The following RPL23A variants were observed in gnomAD, a reference collection of about 807,000 sequenced individuals.
RPL23A encodes large ribosomal subunit protein uL23.
Under a neutral mutation model 17.6 loss-of-function variants are expected in RPL23A, and 2 were observed. The ratio of observed to expected loss-of-function variants is 0.11; its 90% CI spans 0.05 to 0.36. The LOEUF is 0.36. Among genes scored for constraint, RPL23A ranks in the 10% least tolerant of loss-of-function variants. The pLI, the probability that RPL23A is intolerant of heterozygous loss-of-function variation, is 1.00. For synonymous variants in RPL23A, 65 were observed against 74.3 expected (o/e 0.87, Z 0.65); for missense variants, 132 against 194.4 (o/e 0.68, Z 1.91).
intron 1 of RPL23A, 46 bp downstream of exon 1, chr17:28,720,076 G>A (rs1044794588): frequency 6.5e-7 from 1 of 1,549,180 alleles, no homozygotes; most frequent in African/African-American, 1.4e-5. Flanking sequence ...GGGGATTGCC[G>A]CGCCGCAGAG....
chr17:28,723,405 C>G (rs952360531), intron 3 of RPL23A, 166 bp from the exon 4 acceptor site: 1 of 771,840 alleles, frequency 1.3e-6, no homozygotes, highest in African/African-American at 1.7e-5. Flanking sequence ...AGAGAATTGG[C>G]TTTGTGGCTT....
At chr17:28,722,650 C>T (rs571452994) in intron 2 of RPL23A, 73 bp from the exon 3 acceptor site, 3 of 1,217,138 alleles carry the variant, frequency 2.5e-6, no homozygotes, top group East Asian at 4.6e-5. Context: ...TTGTCTGATG[C>T]ACCTAGGCTC....
intron 1 of RPL23A, 176 bp downstream of exon 1, chr17:28,720,206 G>C (rs1265864219): frequency 6.5e-7 from 1 of 1,536,044 alleles, no homozygotes; most frequent in Non-Finnish European, 8.8e-7. Context: ...CTCGTGGGCT[G>C]AGTTCCGGTA....
chr17:28,720,343 C>A lies in RPL23A; in HGVS notation c.25+313C>A, dbSNP rs767896889. On this transcript the variant is annotated intron_variant, in intron 1 of 4. Transcript: ENST00000422514. ...TCCCCGGGCCTGTAAGGAATTAGTG[C>A]CCTCAGCTTTAACCATTTTCCTTCT... The A allele has an allele frequency of 5.2e-6, 8 of 1,551,670 alleles. No homozygotes were observed. The East Asian group carries it at 2.0e-4, about 38-fold the overall frequency.
In RPL23A at chr17:28,722,831, G is replaced by A. The variant is rs11540643; in HGVS notation, c.318G>A (p.Lys106=). ...LVFIVDVKAN[K]HQIKQAVKKL... ...TCATTGTGGATGTTAAAGCCAACAA[G>A]CACCAGATTAAACAGGCTGTGAAGA... The change falls in exon 3 of 5, where the codon AAG becomes AAA. Residue 106 remains lysine, a synonymous_variant. Coordinates refer to ENST00000422514, the MANE Select transcript of RPL23A (RefSeq NM_000984.6). 4 of 1,613,778 alleles carry A rather than the reference G, an allele frequency of 2.5e-6. No individual in the cohort carries two copies. Among genetic ancestry groups the A allele is most frequent in the Non-Finnish European group, 3.4e-6 (4 of 1,179,694 alleles).
chr17:28,720,113 G>C (rs1473670864), intron 1 of RPL23A, 83 bp downstream of exon 1: 2 of 1,539,046 alleles, frequency 1.3e-6, no homozygotes, highest in African/African-American at 2.7e-5. Context: ...ACGGCTGCTG[G>C]GCTAAGCCCT....
chr17:28,722,809 T>C lies in RPL23A; in HGVS notation c.296T>C (p.Ile99Thr), dbSNP rs151327030. ...KIEDNNTLVFIVDVKANKHQI... is the reference protein window; with the variant it reads ...KIEDNNTLVFTVDVKANKHQI... ...GAAGACAACAACACACTTGTGTTCA[T>C]TGTGGATGTTAAAGCCAACAAGCAC... Residue 99 changes from isoleucine to threonine, a missense_variant, in exon 3 of 5, where the codon ATT becomes ACT. Physicochemically the swap from Ile to Thr is moderately conservative, Grantham distance 89. This residue lies in a region of RPL23A where 69 missense variants were observed against 145.5 expected (regional missense o/e 0.47). Coordinates refer to ENST00000422514, the MANE Select transcript of RPL23A (RefSeq NM_000984.6). The C allele has an allele frequency of 4.0e-4, 647 of 1,613,406 alleles. No homozygotes were observed. Among genetic ancestry groups the C allele is most frequent in the South Asian group, 5.7e-4 (52 of 91,060 alleles).
chr17:28,720,234 G>GT (rs2034085706), intron 1 of RPL23A: 1 of 1,538,626 alleles, frequency 6.5e-7, no homozygotes, highest in African/African-American at 1.4e-5. Flanking sequence ...TTGGGGGGGG[G>GT]CAACGCGGCA....
Position 28,722,824 on chromosome 17 carries a change from C to A in RPL23A, c.311C>A (p.Ala104Asp). The change falls in exon 3 of 5, where the codon GCC becomes GAC. Residue 104 changes from alanine to aspartate, a missense_variant. By Grantham distance (126) the Ala-to-Asp change is moderately radical (BLOSUM62 -2). Around this residue, in one of 2 missense-constraint regions of RPL23A, gnomAD observed 69 missense variants for 145.5 expected, o/e 0.47. Coordinates refer to ENST00000422514, the MANE Select transcript of RPL23A (RefSeq NM_000984.6). ...NTLVFIVDVK[A>D]NKHQIKQAVK... ...CTTGTGTTCATTGTGGATGTTAAAG[C>A]CAACAAGCACCAGATTAAACAGGCT... The A allele has an allele frequency of 6.2e-7, 1 of 1,613,596 alleles. No individual in the cohort carries two copies. The highest frequency in any genetic ancestry group is 2.2e-5 in the East Asian group (1 of 44,886).
chr17:28,720,400 C>G, intron 1 of RPL23A: 1 of 1,589,314 alleles, frequency 6.3e-7, no homozygotes, highest in South Asian at 1.1e-5. Context: ...CATTACCCGC[C>G]CCTCTCTCCG....
intron 1 of RPL23A, 158 bp from the exon 2 acceptor site, chr17:28,720,549 C>A: frequency 7.2e-7 from 1 of 1,394,632 alleles, no homozygotes; most frequent in Non-Finnish European, 1.0e-6. Context: ...CCTCTGGTAT[C>A]GTGCATATGA....
At chr17:28,723,730 T>C (rs770122324) in intron 4 of RPL23A, 90 bp downstream of exon 4, 1 of 1,380,194 alleles carries the variant, frequency 7.2e-7, no homozygotes, top group African/African-American at 1.4e-5. Flanking sequence ...CTTTGCTGAT[T>C]AGTCATAATT....
Position 28,720,173 on chromosome 17 carries a change from TACGTGGGCC to T in RPL23A, c.25+144_25+152del. The T allele has an allele frequency of 3.3e-6, 5 of 1,528,724 alleles. No homozygotes were observed. The African/African-American group carries it at 4.1e-5, about 13-fold the overall frequency. 94.7% of individuals were successfully genotyped at this position (1,528,724 alleles called of 1,614,324 possible). A position where few individuals can be genotyped will look rare whatever the true frequency, so the allele number is the denominator to read the frequency against. On this transcript the variant is annotated intron_variant, in intron 1 of 4. Transcript: ENST00000422514. ...CCTGCGTTTCGGACACGCTGCAGTA[TACGTGGGCC>T]GCGTGGGCCCAGCCTCGTGGGCTGA...
intron 2 of RPL23A, among the ~76,000 whole-genome samples, chr17:28,722,222 C>G (rs991200335): frequency 1.4e-5 from 2 of 147,830 alleles, no homozygotes; most frequent in Admixed American, 1.4e-4. Flanking sequence ...GCACTCCAGC[C>G]TGGGCGAAGC....
In RPL23A at chr17:28,722,731, A is replaced by T. The variant is rs143132190; in HGVS notation, c.218A>T (p.His73Leu). The change falls in exon 3 of 5, where the codon CAC becomes CTC. Residue 73 changes from histidine (H) to leucine (L), a missense_variant. His to Leu is a moderately conservative substitution (Grantham distance 99, BLOSUM62 -3). Around this residue, in one of 2 missense-constraint regions of RPL23A, gnomAD observed 69 missense variants for 145.5 expected, o/e 0.47. Coordinates refer to ENST00000422514, the MANE Select transcript of RPL23A (RefSeq NM_000984.6). ...CATTTTGCCTCTCCCAGGCTTGACC[A>T]CTATGCTATCATCAAGTTTCCGCTG... ...KSAPRRNKLD[H>L]YAIIKFPLTT... The T allele has an allele frequency of 6.2e-7, 1 of 1,614,108 alleles. No individual in the cohort carries two copies. The highest frequency in any genetic ancestry group is 1.1e-5 in the South Asian group (1 of 91,084).
At chr17:28,720,450 G>T (rs1254580478) in intron 1 of RPL23A, 1 of 1,611,752 alleles carries the variant, frequency 6.2e-7, no homozygotes, top group African/African-American at 1.3e-5. Flanking sequence ...AAATTCGTAG[G>T]ACATTTTCTG....
chr17:28,723,855 T>G lies in RPL23A; in HGVS notation c.457-12T>G. 1 of 1,605,438 alleles carries G rather than the reference T, an allele frequency of 6.2e-7. No homozygotes were observed. Among genetic ancestry groups the G allele is most frequent in the South Asian group, 1.1e-5 (1 of 90,876 alleles). On this transcript the variant is annotated splice_polypyrimidine_tract_variant and intron_variant, in intron 4 of 4. Transcript: ENST00000422514. ...TTCAACTCCAGTAACGAGGCTCCCT[T>G]TTGTTTTTCAGATTGGGATCATCTA... is the stretch of plus-strand genomic sequence containing the variant.
At position 28,722,324 on chromosome 17, in the gene RPL23A, G is replaced by A. The variant is rs923655193; in HGVS notation, c.210-399G>A. ...CTCTTGAGTAGCTCGGACTACAGGCGTGCACCACCATGACCAGCTAATTTT... is the reference window on the plus strand; with the variant it reads ...CTCTTGAGTAGCTCGGACTACAGGCATGCACCACCATGACCAGCTAATTTT... On this transcript the variant is annotated intron_variant, in intron 2 of 4. Transcript: ENST00000422514. 8 of 333,402 alleles carry A rather than the reference G, an allele frequency of 2.4e-5. 1 individual carries two copies. Among genetic ancestry groups the A allele is most frequent in the South Asian group, 9.5e-5 (4 of 42,290 alleles). 20.7% of individuals were successfully genotyped at this position (333,402 alleles called of 1,614,324 possible).
chr17:28,720,096 T>G, intron 1 of RPL23A, 66 bp downstream of exon 1: 8 of 1,543,870 alleles, frequency 5.2e-6, no homozygotes, highest in South Asian at 1.2e-5. Context: ...GCGAACGAAT[T>G]GGGAACACGG....
Sources: gnomAD v4.1 joint callset for allele counts (sites outside exome capture counted in the v4.1 genomes callset) on GRCh38, gnomAD v4.1.1 for gene constraint, gnomAD v4.1.1 regional missense constraint, MANE v1.5 for transcripts, NCBI Gene and HGNC (gene_info 2026-07-23, HGNC 2026-07-21) for gene names.